Variants in DNAJC10 observed in about 807,000 individuals in gnomAD.
DNAJC10 encodes the protein DnaJ heat shock protein family (Hsp40) member C10.
Under a neutral mutation model 115.0 loss-of-function variants are expected in DNAJC10, and 101 were observed. That is an observed-to-expected ratio of 0.88 (90% CI 0.75 to 1.04). The LOEUF is 1.04. DNAJC10 is among the 50% of genes least tolerant of loss of function. The pLI is 0.00. For missense variants in DNAJC10, 981 were observed against 928.8 expected (o/e 1.06, Z -0.73); for synonymous variants, 307 against 301.5 (o/e 1.02, Z -0.19).
Position 182,783,682 on chromosome 2 carries a change from G to T in DNAJC10, c.*6550G>T, listed in dbSNP as rs1694895203. The T allele has an allele frequency of 6.6e-6, 1 of 151,882 alleles. No homozygotes were observed. The highest frequency in any genetic ancestry group is 1.5e-5 in the Non-Finnish European group (1 of 67,986). The allele number at this position is 151,882 out of a possible 1,614,324, so 9.4% of individuals were successfully genotyped here. On this transcript the variant is annotated 3_prime_UTR_variant, in exon 24 of 24. Transcript: ENST00000264065. ...ATTTTAAATATACTTTCTATTTTGT[G>T]ACAGGAGTGAAAAAATGTTTAATGA...
chr2:182,722,057 T>C lies in DNAJC10; in HGVS notation c.400T>C (p.Leu134=). The C allele has an allele frequency of 1.3e-6, 2 of 1,564,436 alleles. No homozygotes were observed. The highest frequency in any genetic ancestry group is 2.3e-5 in the East Asian group (1 of 43,316). Residue 134 remains leucine (L), a synonymous_variant, in exon 5 of 24, where the codon TTG becomes CTG. Coordinates refer to ENST00000264065, the MANE Select transcript of DNAJC10 (RefSeq NM_018981.4). ...IYDDDPEIIT[L]ERREFDAAVN... Reference sequence around the variant, plus strand: ...TGATGATGATCCTGAAATCATAACATTGGAAAGAAGAGAATTTGGTAAGTT... The same window carrying C: ...TGATGATGATCCTGAAATCATAACACTGGAAAGAAGAGAATTTGGTAAGTT...
In DNAJC10 at chr2:182,733,517, T is replaced by A. The variant is rs868395755; in HGVS notation, c.849+975T>A. On this transcript the variant is annotated intron_variant, in intron 10 of 23. Transcript: ENST00000264065. ...GGACTGAGCATTAGTATCTTTATTTTTTTTTTAATATTTGGTGATCAGAGT... is the reference window on the plus strand; with the variant it reads ...GGACTGAGCATTAGTATCTTTATTTATTTTTTAATATTTGGTGATCAGAGT... 1.9e-4 allele frequency among the ~76,000 whole-genome samples: 29 copies of A among 151,896 alleles called. No homozygotes were observed. The Middle Eastern group carries it at 0.014, about 71-fold the overall frequency.
chr2:182,778,003 A>C lies in DNAJC10; in HGVS notation c.*871A>C, dbSNP rs953580525. 6 of 152,176 alleles carry C rather than the reference A, an allele frequency of 3.9e-5. No individual in the cohort carries two copies. The highest frequency in any genetic ancestry group is 2.6e-4 in the Admixed American group (4 of 15,264). 9.4% of individuals were successfully genotyped at this position (152,176 alleles called of 1,614,324 possible). ...CAAGTATTTAGAGTTCTATATTTTA[A>C]AGATATATGTGTTCATGTATTTTCT... On this transcript the variant is annotated 3_prime_UTR_variant, in exon 24 of 24. Transcript: ENST00000264065.
intron 19 of DNAJC10, among the ~76,000 whole-genome samples, chr2:182,758,098 T>C (rs905202255): frequency 2.0e-5 from 3 of 152,200 alleles, no homozygotes; most frequent in African/African-American, 4.8e-5. Context: ...TTTCAGGTAC[T>C]ATATTAGATA....
chr2:182,728,608 G>A lies in DNAJC10; in HGVS notation c.451G>A (p.Val151Ile), dbSNP rs1693352530. ...AAVNSGELWF[V>I]NFYSPGCSHC... ...TGTTAATTCTGGAGAACTGTGGTTT[G>A]TAAATTTTTACTCCCCAGGCTGTTC... Residue 151 changes from valine (V) to isoleucine (I), a missense_variant, in exon 6 of 24, where the codon GTA becomes ATA. Physicochemically the swap from Val to Ile is conservative, Grantham distance 29. Coordinates refer to ENST00000264065, the MANE Select transcript of DNAJC10 (RefSeq NM_018981.4). 6.2e-7 allele frequency: 1 copy of A among 1,612,326 alleles called. No homozygotes were observed. Among genetic ancestry groups the A allele is most frequent in the South Asian group, 1.1e-5 (1 of 90,692 alleles).
rs1694906051 is a variant in DNAJC10 at position 182,784,245 on chromosome 2, A to G, written c.*7113A>G. 1 of 152,186 alleles carries G rather than the reference A, an allele frequency of 6.6e-6. No homozygotes were observed. The highest frequency in any genetic ancestry group is 6.6e-5 in the Admixed American group (1 of 15,264). 9.4% of individuals were successfully genotyped at this position (152,186 alleles called of 1,614,324 possible). A position where few individuals can be genotyped will look rare whatever the true frequency, so the allele number is the denominator to read the frequency against. On this transcript the variant is annotated 3_prime_UTR_variant, in exon 24 of 24. Coordinates refer to ENST00000264065, the MANE Select transcript of DNAJC10 (RefSeq NM_018981.4). ...GAGGCTGAGACAGGAGAATTGCATG[A>G]ACCCGGAGGCAAAGGTTGCAGTGAG... is the stretch of plus-strand genomic sequence containing the variant.
intron 5 of DNAJC10, among the ~76,000 whole-genome samples, chr2:182,725,352 A>T (rs1466875569): frequency 6.6e-6 from 1 of 152,196 alleles, no homozygotes; most frequent in Admixed American, 6.5e-5. Flanking sequence ...TTTAAATCAG[A>T]AGCTAGAAAT....
At chr2:182,746,506 T>G (rs926263097) in intron 14 of DNAJC10, among the ~76,000 whole-genome samples, 27 of 152,272 alleles carry the variant, frequency 1.8e-4, no homozygotes, top group Middle Eastern at 3.4e-3. Flanking sequence ...ATTTTTTCAT[T>G]TGTTTTTTGG....
chr2:182,731,292 A>G (rs1693441065), intron 9 of DNAJC10, among the ~76,000 whole-genome samples, 185 bp downstream of exon 9: 1 of 151,980 alleles, frequency 6.6e-6, no homozygotes, highest in African/African-American at 2.4e-5. Context: ...GTTATTATTC[A>G]TTTTTTAATG....
chr2:182,743,428 CTTAATA>C (rs1693786184), intron 13 of DNAJC10, among the ~76,000 whole-genome samples, 164 bp from the exon 14 acceptor site: 1 of 151,986 alleles, frequency 6.6e-6, no homozygotes, highest in African/African-American at 2.4e-5. Context: ...TAAATTGAGT[CTTAATA>C]TTAAATGTAA....
chr2:182,782,254 T>C lies in DNAJC10; in HGVS notation c.*5122T>C, dbSNP rs1694864155. On this transcript the variant is annotated 3_prime_UTR_variant, in exon 24 of 24. Coordinates refer to ENST00000264065, the MANE Select transcript of DNAJC10 (RefSeq NM_018981.4). ...TCAGGTTTGTCAAAGATCAGATGGT[T>C]GTAGAAGTGTGGCGTTATTTCTGAG... The C allele has an allele frequency of 6.6e-6, 1 of 152,256 alleles. No homozygotes were observed. Among genetic ancestry groups the C allele is most frequent in the Non-Finnish European group, 1.5e-5 (1 of 68,074 alleles). The allele number at this position is 152,256 out of a possible 1,614,324, so 9.4% of individuals were successfully genotyped here.
intron 22 of DNAJC10, among the ~76,000 whole-genome samples, chr2:182,763,693 C>T (rs1460064725): frequency 2.0e-5 from 3 of 152,034 alleles, no homozygotes; most frequent in Non-Finnish European, 4.4e-5. Context: ...TTTTCCATGC[C>T]CCGACCTCAA....
At position 182,759,236 on chromosome 2, in the gene DNAJC10, G is replaced by A; in HGVS notation, c.2074G>A (p.Val692Met). Residue 692 changes from valine to methionine, a missense_variant, in exon 21 of 24, where the codon GTG (valine) becomes ATG (methionine). By Grantham distance (21) the Val-to-Met change is conservative. Transcript: ENST00000264065. ...AGTTCTACAAGGGAAAAATCATTGG[G>A]TGATTGATTTCTATGCTCCTTGGTG... is the stretch of plus-strand genomic sequence containing the variant. ...EKVLQGKNHW[V>M]IDFYAPWCGP... is the part of the protein sequence containing the mutation. 1.9e-6 allele frequency: 3 copies of A among 1,611,092 alleles called. No homozygotes were observed. Among genetic ancestry groups the A allele is most frequent in the African/African-American group, 1.3e-5 (1 of 74,904 alleles).
intron 22 of DNAJC10, among the ~76,000 whole-genome samples, chr2:182,771,935 C>T (rs1396596123): frequency 6.6e-6 from 1 of 152,090 alleles, no homozygotes; most frequent in Admixed American, 6.5e-5. Context: ...TAGATCTTTC[C>T]TCATTTCTCC....
At chr2:182,737,703 A>G (rs1693618707) in intron 11 of DNAJC10, among the ~76,000 whole-genome samples, 1 of 152,306 alleles carries the variant, frequency 6.6e-6, no homozygotes, top group East Asian at 1.9e-4. Flanking sequence ...TCAGTGTCTC[A>G]AATTTAAATG....
chr2:182,767,666 G>A (rs961554158), intron 22 of DNAJC10, among the ~76,000 whole-genome samples: 17 of 152,052 alleles, frequency 1.1e-4, no homozygotes, highest in African/African-American at 3.1e-4. Context: ...GAGCAGGGCC[G>A]GTGAGGGGGT....
At position 182,728,937 on chromosome 2, in the gene DNAJC10, T is replaced by C. The variant is rs1693362704; in HGVS notation, c.576T>C (p.Leu192=). 1 of 1,614,066 alleles carries C rather than the reference T, an allele frequency of 6.2e-7. No individual in the cohort carries two copies. The highest frequency in any genetic ancestry group is 8.5e-7 in the Non-Finnish European group (1 of 1,179,964). ...GAVNCGDDRM[L]CRMKGVNSYP... Reference sequence around the variant, plus strand: ...TTAACTGTGGTGATGATAGAATGCTTTGCCGAATGAAAGGAGTCAACAGCT... The same window carrying C: ...TTAACTGTGGTGATGATAGAATGCTCTGCCGAATGAAAGGAGTCAACAGCT... The change falls in exon 7 of 24, where the codon CTT becomes CTC. Residue 192 remains leucine, a synonymous_variant. Coordinates refer to ENST00000264065, the MANE Select transcript of DNAJC10 (RefSeq NM_018981.4).
At chr2:182,740,792 A>G (rs111586554) in intron 12 of DNAJC10, among the ~76,000 whole-genome samples, 1 of 152,068 alleles carries the variant, frequency 6.6e-6, no homozygotes, top group Non-Finnish European at 1.5e-5. Context: ...TTTTTTTCCT[A>G]TTAGGTTGGT....
At chr2:182,765,737 ATATT>A (rs1694394804) in intron 22 of DNAJC10, among the ~76,000 whole-genome samples, 1 of 152,196 alleles carries the variant, frequency 6.6e-6, no homozygotes, top group African/African-American at 2.4e-5. Flanking sequence ...TTTAAGATAT[ATATT>A]AAGAGTTTGA....
Sources: gnomAD v4.1 joint callset for allele counts (sites outside exome capture counted in the v4.1 genomes callset) on GRCh38, gnomAD v4.1.1 for gene constraint, MANE v1.5 for transcripts, NCBI Gene and HGNC (gene_info 2026-07-23, HGNC 2026-07-21) for gene names.